The following CXCL13 variants were observed in gnomAD, a reference collection of about 807,000 sequenced individuals.
CXCL13 encodes C-X-C motif chemokine ligand 13.
In CXCL13, 7 loss-of-function variants were observed where a neutral mutation model predicts 12.2. That is an observed-to-expected ratio of 0.57 (90% CI 0.33 to 1.07). CXCL13 has a LOEUF of 1.07. CXCL13 is among the 50% of genes least tolerant of loss of function. The pLI is 0.04. For synonymous variants in CXCL13, 47 were observed against 42.4 expected (o/e 1.11, Z -0.42); for missense variants, 113 against 127.4 (o/e 0.89, Z 0.55).
chr4:77,544,450 G>C (rs1399729611), intron 1 of CXCL13, among the ~76,000 whole-genome samples: 1 of 152,212 alleles, frequency 6.6e-6, no homozygotes, highest in Non-Finnish European at 1.5e-5. Flanking sequence ...TAACTGGTGT[G>C]AGATGGTATC....
intron 1 of CXCL13, among the ~76,000 whole-genome samples, chr4:77,515,673 G>A (rs1724398525): frequency 6.6e-6 from 1 of 151,690 alleles, no homozygotes; most frequent in Admixed American, 6.6e-5. Flanking sequence ...CTGAGACTTT[G>A]CTGAAGTTGC....
chr4:77,555,742 A>G (rs904656843), intron 1 of CXCL13, among the ~76,000 whole-genome samples: 1 of 152,266 alleles, frequency 6.6e-6, no homozygotes, highest in Admixed American at 6.5e-5. Context: ...CTGATGAAAG[A>G]CCTGTATCCA....
intron 1 of CXCL13, among the ~76,000 whole-genome samples, chr4:77,576,220 T>G (rs1315467723): frequency 6.7e-6 from 1 of 149,488 alleles, no homozygotes; most frequent in African/African-American, 2.6e-5. Context: ...GTTAACTGGA[T>G]GGACTGAACC....
At chr4:77,586,933 T>C (rs1210477554) in intron 1 of CXCL13, among the ~76,000 whole-genome samples, 4 of 152,166 alleles carry the variant, frequency 2.6e-5, no homozygotes, top group East Asian at 1.9e-4. Context: ...CAGACCCAGC[T>C]GCAGTAGGTG....
chr4:77,601,045 G>T (rs183393893), upstream of CXCL13, among the ~76,000 whole-genome samples: 1 of 152,222 alleles, frequency 6.6e-6, no homozygotes, highest in African/African-American at 2.4e-5. Context: ...CCCGCAAACT[G>T]TTTCTGTAAG....
At chr4:77,531,252 C>T (rs573213434) in intron 1 of CXCL13, among the ~76,000 whole-genome samples, 1 of 148,146 alleles carries the variant, frequency 6.8e-6, no homozygotes, top group African/African-American at 2.5e-5. Context: ...TTAGGTATAT[C>T]TCCTAATGCT....
At chr4:77,528,543 T>G (rs1739307888) in intron 1 of CXCL13, among the ~76,000 whole-genome samples, 1 of 152,250 alleles carries the variant, frequency 6.6e-6, no homozygotes, top group African/African-American at 2.4e-5. Flanking sequence ...GATGAGCATT[T>G]TTTCATGTGG....
In CXCL13 at chr4:77,555,022, A is replaced by T. The variant is rs564704859; in HGVS notation, c.-43+43234A>T. Among the ~76,000 whole-genome samples, 6 of 152,148 alleles carry T rather than the reference A, an allele frequency of 3.9e-5. No individual in the cohort carries two copies. The South Asian group carries it at 1.0e-3, about 26-fold the overall frequency. ...TACAAAATTTTACATTAAGAAGCTA[A>T]AAAAACAGAAGAACAAATTGAACCC... is the stretch of plus-strand genomic sequence containing the variant. On this transcript the variant is annotated intron_variant, in intron 1 of 4. Transcript: ENST00000286758.
chr4:77,542,423 T>C (rs1725227020), intron 1 of CXCL13, among the ~76,000 whole-genome samples: 3 of 152,126 alleles, frequency 2.0e-5, no homozygotes, highest in African/African-American at 7.2e-5. Flanking sequence ...TCTGAAGGGA[T>C]TTTTGGTCTA....
At chr4:77,575,813 C>T (rs911399095) in intron 1 of CXCL13, among the ~76,000 whole-genome samples, 1 of 151,534 alleles carries the variant, frequency 6.6e-6, no homozygotes, top group Non-Finnish European at 1.5e-5. Flanking sequence ...CATGGGATTG[C>T]CAAAATGATG....
chr4:77,610,942 G>A, intron 3 of CXCL13, 46 bp from the exon 4 acceptor site: 1 of 1,532,804 alleles, frequency 6.5e-7, no homozygotes, highest in African/African-American at 1.4e-5. Context: ...ACAGTTTCTT[G>A]TGTTTCTCTA....
intron 1 of CXCL13, among the ~76,000 whole-genome samples, chr4:77,591,760 C>A (rs915837751): frequency 6.6e-6 from 1 of 152,164 alleles, no homozygotes; most frequent in African/African-American, 2.4e-5. Flanking sequence ...AGCCCTGCCC[C>A]AGCTTCATAT....
At chr4:77,566,529 A>G (rs1454169190) in intron 1 of CXCL13, among the ~76,000 whole-genome samples, 1 of 152,120 alleles carries the variant, frequency 6.6e-6, no homozygotes, top group African/African-American at 2.4e-5. Context: ...TAAAATTTAC[A>G]TAACATAAAC....
At chr4:77,567,241 C>A (rs754945279) in intron 1 of CXCL13, among the ~76,000 whole-genome samples, 10 of 152,182 alleles carry the variant, frequency 6.6e-5, no homozygotes, top group Non-Finnish European at 1.3e-4. Flanking sequence ...CCTATAAGAA[C>A]TAATGATAAT....
chr4:77,586,019 A>G (rs1726448278), intron 1 of CXCL13, among the ~76,000 whole-genome samples: 1 of 152,210 alleles, frequency 6.6e-6, no homozygotes, highest in Non-Finnish European at 1.5e-5. Flanking sequence ...TACATTTAAT[A>G]AATTAACACT....
intron 1 of CXCL13, among the ~76,000 whole-genome samples, chr4:77,570,875 C>G (rs994177801): frequency 6.6e-6 from 1 of 152,006 alleles, no homozygotes; most frequent in African/African-American, 2.4e-5. Flanking sequence ...CGCTCGATTT[C>G]TCACCGGGCC....
chr4:77,581,144 G>T (rs1021351997), intron 1 of CXCL13, among the ~76,000 whole-genome samples: 1 of 152,060 alleles, frequency 6.6e-6, no homozygotes, highest in African/African-American at 2.4e-5. Flanking sequence ...TTCTTTTTGA[G>T]GTGATGAAAA....
chr4:77,597,255 A>G (rs1726788519), intron 1 of CXCL13, among the ~76,000 whole-genome samples: 1 of 152,234 alleles, frequency 6.6e-6, no homozygotes. Context: ...GAAGCTCTGT[A>G]GACTTCCCAG....
At chr4:77,605,133 G>A (rs1430892840), upstream of CXCL13, among the ~76,000 whole-genome samples, 4 of 152,052 alleles carry the variant, frequency 2.6e-5, no homozygotes, top group Non-Finnish European at 4.4e-5. Flanking sequence ...ACTTGCACAC[G>A]ACAGCCAGAG....
Sources: gnomAD v4.1 joint callset for allele counts (sites outside exome capture counted in the v4.1 genomes callset) on GRCh38, gnomAD v4.1.1 for gene constraint, MANE v1.5 for transcripts, NCBI Gene and HGNC (gene_info 2026-07-23, HGNC 2026-07-21) for gene names.